RBM47: variants seen among roughly 807,000 people sequenced by gnomAD.
RBM47 encodes the protein RNA-binding protein 47.
Under a neutral mutation model 47.1 loss-of-function variants are expected in RBM47, and 21 were observed. The observed-to-expected ratio is 0.45, with a 90% CI of 0.32 to 0.64. The LOEUF (loss-of-function observed/expected upper bound fraction) is 0.64. Among genes scored for constraint, RBM47 ranks in the 30% least tolerant of loss-of-function variants. The pLI, the probability that RBM47 is intolerant of heterozygous loss-of-function variation, is 0.05. For missense variants in RBM47, 708 were observed against 870.9 expected (o/e 0.81, Z 2.35); for synonymous variants, 375 against 361.7 (o/e 1.04, Z -0.42).
chr4:40,455,550 C>T (rs1459678834), intron 3 of RBM47: 1 of 152,216 alleles, frequency 6.6e-6, no homozygotes, highest in African/African-American at 2.4e-5. Context: ...CTTGCTTGAG[C>T]TCAGGAGTTC....
At chr4:40,549,799 A>G (rs1465860154) in intron 1 of RBM47, among the ~76,000 whole-genome samples, 2 of 149,618 alleles carry the variant, frequency 1.3e-5, no homozygotes, top group Admixed American at 1.3e-4. Flanking sequence ...TCCTGCCTCA[A>G]CCTCCCAAGC....
At chr4:40,450,091 G>C (rs1374425090) in intron 3 of RBM47, among the ~76,000 whole-genome samples, 1 of 152,072 alleles carries the variant, frequency 6.6e-6, no homozygotes, top group African/African-American at 2.4e-5. Flanking sequence ...ATGCCTCCCG[G>C]GCCAACGTTT....
intron 1 of RBM47, among the ~76,000 whole-genome samples, chr4:40,563,232 A>G (rs1024676443): frequency 1.3e-5 from 2 of 152,132 alleles, no homozygotes; most frequent in African/African-American, 2.4e-5. Flanking sequence ...TTTTAAAAAG[A>G]GTATATTTTA....
chr4:40,432,232 ACACACACACACG>A (rs1157692140), intron 6 of RBM47, among the ~76,000 whole-genome samples: 14 of 71,518 alleles, frequency 2.0e-4, no homozygotes, highest in Non-Finnish European at 3.8e-5. Flanking sequence ...ACACACACAC[ACACACACACACG>A]GGGGTTAACA....
chr4:40,501,335 G>C (rs1370387370), intron 2 of RBM47, among the ~76,000 whole-genome samples: 1 of 152,184 alleles, frequency 6.6e-6, no homozygotes, highest in East Asian at 1.9e-4. Flanking sequence ...GCAGAAAGAG[G>C]ATTGGTATGC....
chr4:40,464,750 G>C (rs940498240), intron 3 of RBM47, among the ~76,000 whole-genome samples: 5 of 151,602 alleles, frequency 3.3e-5, no homozygotes, highest in Non-Finnish European at 7.4e-5. Flanking sequence ...AATTAGCCGG[G>C]TACAGTGGCA....
intron 3 of RBM47, among the ~76,000 whole-genome samples, chr4:40,445,229 A>G (rs1577649673): frequency 6.7e-6 from 1 of 149,580 alleles, no homozygotes; most frequent in Non-Finnish European, 1.5e-5. Context: ...AGCCGAGATC[A>G]CACCACTGCA....
rs1004652838 is a variant in RBM47 at position 40,595,708 on chromosome 4, C to T, written c.-240+33688G>A. Among the ~76,000 whole-genome samples, 11 of 151,494 alleles carry T rather than the reference C, an allele frequency of 7.3e-5. No homozygotes were observed. The East Asian group carries it at 1.7e-3, about 24-fold the overall frequency. On this transcript the variant is annotated intron_variant, in intron 1 of 6. Coordinates refer to ENST00000295971, the MANE Select transcript of RBM47 (RefSeq NM_001098634.2). The stretch of plus-strand genomic sequence containing the variant: ...TTCAAGACCAGCCTGGCCAACATGG[C>T]GAAACCCTAAACCTTTGTATATTTA...
intron 3 of RBM47, among the ~76,000 whole-genome samples, chr4:40,455,168 G>T (rs1716046700): frequency 6.6e-6 from 1 of 152,162 alleles, no homozygotes; most frequent in Non-Finnish European, 1.5e-5. Context: ...TCTTTGTAAA[G>T]GAGTTAACAT....
chr4:40,507,936 C>T (rs1724348456), intron 2 of RBM47, among the ~76,000 whole-genome samples: 1 of 150,748 alleles, frequency 6.6e-6, no homozygotes, highest in Admixed American at 6.6e-5. Context: ...CGTGGTGGCG[C>T]ATGCCTGTAA....
Position 40,438,379 on chromosome 4 carries a change from G to A in RBM47, c.515C>T (p.Ala172Val), listed in dbSNP as rs773883905. Reference protein sequence around the residue: ...KKREEILEEIAKVTEGVLDVI... With the variant: ...KKREEILEEIVKVTEGVLDVI... ...GTCCAGCACGCCCTCGGTGACCTTG[G>A]CAATCTCCTCCAGGATTTCCTCGCG... is the stretch of plus-strand genomic sequence containing the variant. The change falls in exon 4 of 7, where the codon GCC (alanine) becomes GTC (valine). Residue 172 changes from alanine (A) to valine (V), a missense_variant. By Grantham distance (64) the Ala-to-Val change is moderately conservative. Coordinates refer to ENST00000295971, the MANE Select transcript of RBM47 (RefSeq NM_001098634.2). 42 of 1,612,674 alleles carry A rather than the reference G, an allele frequency of 2.6e-5. No individual in the cohort carries two copies. The highest frequency in any genetic ancestry group is 3.5e-5 in the Non-Finnish European group (41 of 1,179,992).
intron 5 of RBM47, among the ~76,000 whole-genome samples, chr4:40,436,145 C>A (rs567698432): frequency 1.1e-4 from 16 of 150,574 alleles, no homozygotes; most frequent in African/African-American, 3.9e-4. Flanking sequence ...GCACTCCAGC[C>A]TGGGCGACAG....
At chr4:40,569,503 G>A (rs538799655) in intron 1 of RBM47, among the ~76,000 whole-genome samples, 12 of 150,382 alleles carry the variant, frequency 8.0e-5, no homozygotes, top group South Asian at 4.2e-4. Flanking sequence ...TCCGCCTCCC[G>A]GGTTCACACC....
At chr4:40,536,024 A>G (rs1439911202) in intron 2 of RBM47, among the ~76,000 whole-genome samples, 1 of 152,168 alleles carries the variant, frequency 6.6e-6, no homozygotes, top group Non-Finnish European at 1.5e-5. Flanking sequence ...TTCAATGCCC[A>G]CTTCATTCTT....
intron 5 of RBM47, among the ~76,000 whole-genome samples, chr4:40,435,909 A>G (rs970926214): frequency 1.3e-5 from 2 of 151,294 alleles, no homozygotes; most frequent in African/African-American, 4.9e-5. Flanking sequence ...CTCTAATCCC[A>G]GCACTTTGGG....
At chr4:40,490,481 T>C (rs773440434) in intron 2 of RBM47, among the ~76,000 whole-genome samples, 14 of 152,194 alleles carry the variant, frequency 9.2e-5, no homozygotes, top group Non-Finnish European at 1.5e-4. Context: ...TATAAATTTC[T>C]ATCTACTAGC....
At chr4:40,498,855 G>A (rs1722990120) in intron 2 of RBM47, among the ~76,000 whole-genome samples, 2 of 151,984 alleles carry the variant, frequency 1.3e-5, no homozygotes, top group Admixed American at 1.3e-4. Flanking sequence ...GTTACAGCCT[G>A]ACCAACACGG....
At chr4:40,548,440 A>G (rs1024966071) in intron 1 of RBM47, among the ~76,000 whole-genome samples, 1 of 152,238 alleles carries the variant, frequency 6.6e-6, no homozygotes, top group African/African-American at 2.4e-5. Context: ...GGAAGGTGAC[A>G]TCACCAGAAC....
At chr4:40,435,599 C>T (rs554221777) in intron 5 of RBM47, among the ~76,000 whole-genome samples, 2 of 152,230 alleles carry the variant, frequency 1.3e-5, no homozygotes, top group South Asian at 4.1e-4. Context: ...TTCTTATTTG[C>T]TCAGACCATG....
Sources: allele counts gnomAD v4.1 joint callset (sites outside exome capture counted in the v4.1 genomes callset), GRCh38; gene constraint gnomAD v4.1.1; transcripts MANE v1.5; gene names NCBI Gene and HGNC (gene_info 2026-07-23, HGNC 2026-07-21).